The following CSMD1 variants were observed in gnomAD, a reference collection of about 807,000 sequenced individuals.
CSMD1 encodes CUB and Sushi multiple domains 1.
CSMD1 carries 213 observed loss-of-function variants against 417.5 expected under a neutral mutation model. That is an observed-to-expected ratio of 0.51 (90% CI 0.46 to 0.57). The LOEUF is 0.57. CSMD1 is among the 20% of genes least tolerant of loss of function. The pLI is 0.00. For missense variants in CSMD1, 6,923 were observed against 4,529.7 expected (o/e 1.53, Z -15.17); for synonymous variants, 2,862 against 1,736.8 (o/e 1.65, Z -16.11).
intron 16 of CSMD1, among the ~76,000 whole-genome samples, chr8:3,398,084 C>A (rs544347004): frequency 8.1e-4 from 123 of 152,192 alleles, no homozygotes; most frequent in Non-Finnish European, 1.5e-3. Context: ...TGGGAAAAAT[C>A]AAGCAAATAT....
intron 37 of CSMD1, among the ~76,000 whole-genome samples, chr8:3,167,636 T>C (rs1342089630): frequency 2.0e-5 from 3 of 152,224 alleles, no homozygotes; most frequent in Non-Finnish European, 2.9e-5. Flanking sequence ...AGATGTAGAA[T>C]GTAGCAAGAG....
At position 4,770,087 on chromosome 8, in the gene CSMD1, C is replaced by A. The variant is rs79007562; in HGVS notation, c.86-132529G>T. On this transcript the variant is annotated intron_variant, in intron 1 of 69. Transcript: ENST00000635120. ...GAGGACACAAATGCATGAAAAGATA[C>A]TTCATGCTCATAGATCAAAATACTT... Among the ~76,000 whole-genome samples the A allele has an allele frequency of 4.9e-3, 745 of 151,898 alleles. 13 individuals carry two copies. Among genetic ancestry groups the A allele is most frequent in the Admixed American group, 0.034 (518 of 15,238 alleles).
At chr8:4,845,111 C>T (rs1056224614) in intron 1 of CSMD1, among the ~76,000 whole-genome samples, 1 of 152,114 alleles carries the variant, frequency 6.6e-6, no homozygotes, top group African/African-American at 2.4e-5. Flanking sequence ...TTTTATTCTC[C>T]CCTAAGCAGT....
intron 30 of CSMD1, among the ~76,000 whole-genome samples, chr8:3,209,639 T>A (rs1476713601): frequency 6.6e-6 from 1 of 152,200 alleles, no homozygotes. Flanking sequence ...TAATAATTGT[T>A]ATGTCTGCAT....
At chr8:4,643,686 G>C (rs1448936240) in intron 1 of CSMD1, among the ~76,000 whole-genome samples, 2 of 152,210 alleles carry the variant, frequency 1.3e-5, no homozygotes, top group Non-Finnish European at 1.5e-5. Flanking sequence ...TCCCTGATCA[G>C]ATAAGCGCTG....
chr8:3,988,124 T>G (rs955250410), intron 5 of CSMD1, among the ~76,000 whole-genome samples: 2 of 152,180 alleles, frequency 1.3e-5, no homozygotes, highest in African/African-American at 2.4e-5. Context: ...TGTCACCTCT[T>G]ATTCATAGTC....
intron 2 of CSMD1, among the ~76,000 whole-genome samples, chr8:4,584,388 G>A (rs7003673): frequency 1.1e-4 from 16 of 152,072 alleles, no homozygotes; most frequent in African/African-American, 3.9e-4. Flanking sequence ...TTGCTATTCT[G>A]TCCTATTTTT....
chr8:3,436,446 C>T (rs1814572169), intron 12 of CSMD1, among the ~76,000 whole-genome samples: 1 of 152,108 alleles, frequency 6.6e-6, no homozygotes, highest in African/African-American at 2.4e-5. Flanking sequence ...TTACGTAATC[C>T]CAGCCCTCAA....
At chr8:3,198,837 AT>A (rs1355552706) in intron 33 of CSMD1, among the ~76,000 whole-genome samples, 1 of 152,126 alleles carries the variant, frequency 6.6e-6, no homozygotes, top group African/African-American at 2.4e-5. Flanking sequence ...CTAAGAAAAA[AT>A]TTTTCTCCAG....
intron 44 of CSMD1, 146 bp downstream of exon 44, chr8:3,108,457 G>T: frequency 1.4e-6 from 1 of 698,800 alleles, no homozygotes; most frequent in Non-Finnish European, 2.3e-6. Flanking sequence ...AAGGACCACA[G>T]GAAACGCTGG....
intron 3 of CSMD1, among the ~76,000 whole-genome samples, chr8:4,358,097 T>G (rs998804668): frequency 6.6e-6 from 1 of 152,208 alleles, no homozygotes; most frequent in Non-Finnish European, 1.5e-5. Flanking sequence ...TACATACATA[T>G]GCTATGATCA....
intron 2 of CSMD1, among the ~76,000 whole-genome samples, chr8:4,436,408 T>C (rs1459591772): frequency 6.6e-6 from 1 of 152,198 alleles, no homozygotes; most frequent in East Asian, 1.9e-4. Flanking sequence ...AATTTTTGTG[T>C]GTACAGAGTA....
Position 3,346,875 on chromosome 8 carries a change from G to C in CSMD1, c.3474+1117C>G, listed in dbSNP as rs1011192936. Among the ~76,000 whole-genome samples, 9 of 152,286 alleles carry C rather than the reference G, an allele frequency of 5.9e-5. No individual in the cohort carries two copies. The East Asian group carries it at 1.2e-3, about 20-fold the overall frequency. On this transcript the variant is annotated intron_variant, in intron 22 of 69. Transcript: ENST00000635120. The stretch of plus-strand genomic sequence containing the variant: ...GAAAAACCCTAGAATTTTAAAAAGG[G>C]AATAAAAAGAGCCACGTGTTCCTTT...
At position 4,159,104 on chromosome 8, in the gene CSMD1, C is replaced by T. The variant is rs1016223394; in HGVS notation, c.416-127005G>A. On this transcript the variant is annotated intron_variant, in intron 3 of 69. Coordinates refer to ENST00000635120, the MANE Select transcript of CSMD1 (RefSeq NM_033225.6). ...CTAATTTTTGTATTTTTAGTAGAGA[C>T]GAGGCTTCTCCATAGTTGGCAGGCT... is the stretch of plus-strand genomic sequence containing the variant. 5.9e-5 allele frequency among the ~76,000 whole-genome samples: 9 copies of T among 152,020 alleles called. No individual in the cohort carries two copies. The South Asian group carries it at 8.3e-4, about 14-fold the overall frequency.
chr8:3,423,280 T>A (rs1258742209), intron 12 of CSMD1, among the ~76,000 whole-genome samples: 2 of 152,208 alleles, frequency 1.3e-5, no homozygotes, highest in African/African-American at 4.8e-5. Context: ...AATCATGGTA[T>A]GGAGGCTTCT....
chr8:4,945,844 G>C (rs1020672267), intron 1 of CSMD1, among the ~76,000 whole-genome samples: 4 of 152,142 alleles, frequency 2.6e-5, no homozygotes, highest in Non-Finnish European at 5.9e-5. Context: ...GTCACGCCTT[G>C]CCACTGAAAC....
chr8:4,697,126 C>T (rs1013246941), intron 1 of CSMD1, among the ~76,000 whole-genome samples: 5 of 152,010 alleles, frequency 3.3e-5, no homozygotes, highest in Non-Finnish European at 5.9e-5. Flanking sequence ...GAGCCGAGAT[C>T]GCGCCACTGC....
chr8:4,270,094 A>T (rs1224673488), intron 3 of CSMD1, among the ~76,000 whole-genome samples: 1 of 152,212 alleles, frequency 6.6e-6, no homozygotes, highest in Non-Finnish European at 1.5e-5. Flanking sequence ...GATCAGATCA[A>T]TATTTCAGCA....
intron 3 of CSMD1, among the ~76,000 whole-genome samples, chr8:4,218,952 T>C (rs981886982): frequency 6.6e-6 from 1 of 152,212 alleles, no homozygotes; most frequent in Non-Finnish European, 1.5e-5. Flanking sequence ...AATGCTATTT[T>C]TTCCAACGTA....
Sources: allele counts gnomAD v4.1 joint callset (sites outside exome capture counted in the v4.1 genomes callset), GRCh38; gene constraint gnomAD v4.1.1; transcripts MANE v1.5; gene names NCBI Gene and HGNC (gene_info 2026-07-23, HGNC 2026-07-21).